The following LARGE1 variants were observed in gnomAD, a reference collection of about 807,000 sequenced individuals.
LARGE1 encodes the protein xylosyl- and glucuronyltransferase LARGE1.
A neutral mutation model predicts 87.6 loss-of-function variants in LARGE1; 43 were observed. The observed-to-expected ratio is 0.49, with a 90% CI of 0.38 to 0.63. The LOEUF is 0.63. Ranked by LOEUF, LARGE1 falls within the 30% of genes least tolerant of loss-of-function variation. The pLI is 0.00. For synonymous variants in LARGE1, 434 were observed against 394.6 expected, an observed-to-expected ratio of 1.10 and a Z score of -1.18; for missense variants, 802 against 1,000.2, an observed-to-expected ratio of 0.80 and a Z score of 2.67.
At chr22:33,618,153 C>T (rs768852503) in intron 4 of LARGE1, among the ~76,000 whole-genome samples, 7 of 152,172 alleles carry the variant, frequency 4.6e-5, no homozygotes, top group Non-Finnish European at 1.0e-4. Context: ...AGAAAATCAC[C>T]GCAGCCAGAA....
At chr22:33,705,347 T>C (rs1304850140) in intron 2 of LARGE1, among the ~76,000 whole-genome samples, 5 of 152,322 alleles carry the variant, frequency 3.3e-5, no homozygotes, top group East Asian at 1.9e-4. Context: ...AATAAAAGCA[T>C]TGAGTTGAAG....
At chr22:33,498,131 C>T (rs1215097320) in intron 6 of LARGE1, among the ~76,000 whole-genome samples, 1 of 152,086 alleles carries the variant, frequency 6.6e-6, no homozygotes, top group Non-Finnish European at 1.5e-5. Flanking sequence ...GTGATCCATC[C>T]ACCTCGGCCT....
chr22:33,423,377 T>TA (rs982800412), intron 7 of LARGE1, among the ~76,000 whole-genome samples: 1 of 151,956 alleles, frequency 6.6e-6, no homozygotes, highest in Non-Finnish European at 1.5e-5. Context: ...TAATTTTCTT[T>TA]AAAAAAATTA....
At chr22:33,625,220 G>C (rs1034175291) in intron 4 of LARGE1, among the ~76,000 whole-genome samples, 2 of 152,216 alleles carry the variant, frequency 1.3e-5, no homozygotes, top group African/African-American at 4.8e-5. Context: ...CCCTTGGCAA[G>C]AGTGTTAAAG....
chr22:33,540,574 GAC>G (rs1370576330), intron 6 of LARGE1, among the ~76,000 whole-genome samples: 2 of 152,194 alleles, frequency 1.3e-5, no homozygotes, highest in Non-Finnish European at 2.9e-5. Flanking sequence ...AAACAACCAA[GAC>G]ACAGTGTCTC....
intron 1 of LARGE1, among the ~76,000 whole-genome samples, chr22:33,819,020 T>C (rs553986344): frequency 1.3e-5 from 2 of 152,316 alleles, no homozygotes; most frequent in South Asian, 4.1e-4. Context: ...GCACATGGTA[T>C]GTGCTCAATA....
chr22:33,676,116 A>G (rs1332245819), intron 2 of LARGE1, among the ~76,000 whole-genome samples: 3 of 152,110 alleles, frequency 2.0e-5, no homozygotes, highest in Admixed American at 6.6e-5. Context: ...GTAACAAAAG[A>G]TATTTTTGCA....
At chr22:33,511,609 G>A (rs1396272113) in intron 6 of LARGE1, among the ~76,000 whole-genome samples, 1 of 152,126 alleles carries the variant, frequency 6.6e-6, no homozygotes, top group Non-Finnish European at 1.5e-5. Flanking sequence ...TGACAGGGAT[G>A]GAGAGCTTTA....
chr22:33,270,356 G>A (rs754230695), downstream of LARGE1, among the ~76,000 whole-genome samples: 1 of 152,130 alleles, frequency 6.6e-6, no homozygotes, highest in Non-Finnish European at 1.5e-5. Flanking sequence ...ATGAAGATAC[G>A]ACTGTACAAG....
At chr22:33,629,320 G>A (rs1018080075) in intron 3 of LARGE1, among the ~76,000 whole-genome samples, 2 of 152,168 alleles carry the variant, frequency 1.3e-5, no homozygotes, top group East Asian at 1.9e-4. Flanking sequence ...TAAACATACA[G>A]CCTCAGAGAT....
In LARGE1 at chr22:33,516,682, C is replaced by T. The variant is rs184240278; in HGVS notation, c.787+48166G>A. ...CCGCTCACTGCAAACTTCCGCCTTC[C>T]GGGTTCAAGCGATTCTCCTGCCTCA... On this transcript the variant is annotated intron_variant, in intron 6 of 14. Coordinates refer to ENST00000397394, the MANE Select transcript of LARGE1 (RefSeq NM_133642.5). Among the ~76,000 whole-genome samples the T allele has an allele frequency of 4.5e-4, 69 of 151,892 alleles. 1 individual carries two copies. In the East Asian group the frequency reaches 0.011, roughly 25 times the overall value.
intron 2 of LARGE1, among the ~76,000 whole-genome samples, chr22:33,667,543 G>A (rs1215733004): frequency 6.6e-6 from 1 of 152,216 alleles, no homozygotes; most frequent in African/African-American, 2.4e-5. Context: ...TAATGAGAAA[G>A]CCACTGGGGC....
Position 33,881,043 on chromosome 22 carries a change from A to G in LARGE1, c.-83+38952T>C, listed in dbSNP as rs1191762194. 2.7e-5 allele frequency among the ~76,000 whole-genome samples: 4 copies of G among 150,456 alleles called. 1 individual carries two copies. The South Asian group carries it at 6.3e-4, about 24-fold the overall frequency. On this transcript the variant is annotated intron_variant, in intron 1 of 14. Coordinates refer to ENST00000397394, the MANE Select transcript of LARGE1 (RefSeq NM_133642.5). ...CCAAACTGTCCTTGTCTACTTAATA[A>G]GTAGCTTTTTTAATTTTTTTTTTTT... is the stretch of plus-strand genomic sequence containing the variant.
intron 10 of LARGE1, among the ~76,000 whole-genome samples, chr22:33,334,139 G>A (rs1419217110): frequency 2.0e-5 from 3 of 150,750 alleles, no homozygotes; most frequent in Non-Finnish European, 4.4e-5. Flanking sequence ...AAAGCCAGGC[G>A]CGGTGGCTCA....
chr22:33,700,149 G>A (rs240080), intron 2 of LARGE1, among the ~76,000 whole-genome samples: 75,272 of 151,844 alleles, frequency 0.5, 18,835 homozygotes, highest in African/African-American at 0.54. Context: ...TTCTCAAAGG[G>A]TTGTCCTGGG....
chr22:33,547,298 G>A (rs989557), intron 6 of LARGE1, among the ~76,000 whole-genome samples: 45,109 of 151,928 alleles, frequency 0.3, 8,308 homozygotes, highest in Non-Finnish European at 0.39. Flanking sequence ...GCATTAGCTC[G>A]ATTTTCATAA....
intron 1 of LARGE1, among the ~76,000 whole-genome samples, chr22:33,775,796 G>T (rs1449169972): frequency 6.6e-6 from 1 of 150,704 alleles, no homozygotes; most frequent in African/African-American, 2.5e-5. Flanking sequence ...AGGTTGCAGG[G>T]AGCCGAGATC....
intron 2 of LARGE1, among the ~76,000 whole-genome samples, chr22:33,696,805 T>C (rs887809090): frequency 7.2e-5 from 11 of 152,166 alleles, no homozygotes; most frequent in African/African-American, 2.2e-4. Flanking sequence ...TTTTAATGCA[T>C]CTCTTTGTAT....
At chr22:33,299,297 G>A (rs997557377) in intron 12 of LARGE1, among the ~76,000 whole-genome samples, 1 of 151,356 alleles carries the variant, frequency 6.6e-6, no homozygotes, top group Non-Finnish European at 1.5e-5. Flanking sequence ...AGAAAGGAAG[G>A]GAAGGAAAGG....
Sources: allele counts gnomAD v4.1 joint callset (sites outside exome capture counted in the v4.1 genomes callset), GRCh38; gene constraint gnomAD v4.1.1; transcripts MANE v1.5; gene names NCBI Gene and HGNC (gene_info 2026-07-23, HGNC 2026-07-21).